Variants in FGGY observed in about 807,000 individuals in gnomAD.
The protein encoded by FGGY is FGGY carbohydrate kinase domain-containing protein.
In FGGY, 72 loss-of-function variants were observed where a neutral mutation model predicts 71.3. The ratio of observed to expected loss-of-function variants is 1.01; its 90% CI spans 0.84 to 1.23. FGGY has a LOEUF of 1.23. Ranked by LOEUF, FGGY falls within the 50% of genes most tolerant of loss-of-function variation. The pLI, the probability that FGGY is intolerant of heterozygous loss-of-function variation, is 0.00. For synonymous variants in FGGY, 251 were observed against 250.3 expected, an observed-to-expected ratio of 1.00 and a Z score of -0.02; for missense variants, 668 against 682.3, an observed-to-expected ratio of 0.98 and a Z score of 0.23.
At chr1:59,397,748 A>G (rs980695708) in intron 5 of FGGY, among the ~76,000 whole-genome samples, 1 of 152,178 alleles carries the variant, frequency 6.6e-6, no homozygotes, top group African/African-American at 2.4e-5. Context: ...TATTAGTTTA[A>G]AAAAGGTCTC....
chr1:59,528,697 C>G (rs1327409773), intron 7 of FGGY, among the ~76,000 whole-genome samples: 1 of 152,158 alleles, frequency 6.6e-6, no homozygotes, highest in Non-Finnish European at 1.5e-5. Context: ...ATGAAACCCT[C>G]AGATGGGAGT....
rs576514231 is a variant in FGGY at position 59,535,917 on chromosome 1, A to G, written c.800-18207A>G. The stretch of plus-strand genomic sequence containing the variant: ...AATTGACACCGTAACATCACAATTA[A>G]AAGAACTAGAAAAGCAAGAGCAAAC... On this transcript the variant is annotated intron_variant, in intron 7 of 15. Coordinates refer to ENST00000303721, the MANE Select transcript of FGGY (RefSeq NM_018291.5). Among the ~76,000 whole-genome samples, 7 of 147,956 alleles carry G rather than the reference A, an allele frequency of 4.7e-5. No individual in the cohort carries two copies. In the East Asian group the frequency reaches 7.8e-4, roughly 16 times the overall value.
chr1:59,635,019 G>T (rs550623318), intron 10 of FGGY, among the ~76,000 whole-genome samples: 2 of 152,162 alleles, frequency 1.3e-5, no homozygotes, highest in African/African-American at 4.8e-5. Flanking sequence ...GAGGGTGAGC[G>T]ATCCACTTGG....
chr1:59,464,846 C>G (rs1202940867), intron 6 of FGGY, among the ~76,000 whole-genome samples: 2 of 152,118 alleles, frequency 1.3e-5, no homozygotes, highest in Admixed American at 1.3e-4. Context: ...CTGAATACAC[C>G]AATAACAGGC....
chr1:59,400,737 A>G (rs961793780), intron 5 of FGGY, among the ~76,000 whole-genome samples: 2 of 151,944 alleles, frequency 1.3e-5, no homozygotes, highest in Non-Finnish European at 2.9e-5. Context: ...GACTCTTGAC[A>G]TAAGTAGAAC....
chr1:59,374,387 T>TA (rs1052424427), intron 4 of FGGY, among the ~76,000 whole-genome samples: 1 of 152,198 alleles, frequency 6.6e-6, no homozygotes, highest in South Asian at 2.1e-4. Context: ...TGGTGATCTT[T>TA]AAAAAGTCAG....
intron 5 of FGGY, among the ~76,000 whole-genome samples, chr1:59,416,344 G>T (rs2064413946): frequency 6.6e-6 from 1 of 152,090 alleles, no homozygotes; most frequent in African/African-American, 2.4e-5. Context: ...TTTCACAGTG[G>T]CAGGGAAAAG....
chr1:59,462,191 A>C (rs2092291417), intron 6 of FGGY, among the ~76,000 whole-genome samples: 2 of 152,216 alleles, frequency 1.3e-5, no homozygotes, highest in Admixed American at 1.3e-4. Context: ...AAACCTGAGA[A>C]AAACAAGAAA....
chr1:59,714,285 G>A (rs2097825256), intron 14 of FGGY, among the ~76,000 whole-genome samples: 1 of 152,184 alleles, frequency 6.6e-6, no homozygotes, highest in South Asian at 2.1e-4. Flanking sequence ...GTGACCAGTG[G>A]AAGGATTATG....
At chr1:59,484,821 A>G (rs2093610140) in intron 6 of FGGY, among the ~76,000 whole-genome samples, 1 of 152,170 alleles carries the variant, frequency 6.6e-6, no homozygotes, top group African/African-American at 2.4e-5. Flanking sequence ...ATATGTAGAC[A>G]CATTAATTTT....
chr1:59,578,480 C>A (rs1388713105), intron 8 of FGGY, among the ~76,000 whole-genome samples: 1 of 152,116 alleles, frequency 6.6e-6, no homozygotes, highest in African/African-American at 2.4e-5. Flanking sequence ...GAGAAGCCAG[C>A]AAGTCCCCTT....
chr1:59,679,480 A>T (rs1319759641), intron 14 of FGGY, among the ~76,000 whole-genome samples: 4 of 151,958 alleles, frequency 2.6e-5, no homozygotes, highest in Non-Finnish European at 5.9e-5. Context: ...CATTCAATTT[A>T]GTTTACTTGC....
chr1:59,600,300 A>G (rs2096564505), intron 8 of FGGY, among the ~76,000 whole-genome samples: 4 of 152,318 alleles, frequency 2.6e-5, no homozygotes, highest in South Asian at 4.1e-4. Flanking sequence ...TGAGACAGAG[A>G]TACTTCTGAC....
At chr1:59,627,483 T>TACACACACAC (rs2096869229) in intron 10 of FGGY, among the ~76,000 whole-genome samples, 2 of 128,032 alleles carry the variant, frequency 1.6e-5, no homozygotes, top group African/African-American at 7.0e-5. Context: ...TATATATATA[T>TACACACACAC]ATATATACAC....
chr1:59,369,240 A>G (rs546683954), intron 4 of FGGY, among the ~76,000 whole-genome samples: 7 of 152,160 alleles, frequency 4.6e-5, no homozygotes, highest in Admixed American at 4.6e-4. Context: ...GGCTTAAAAA[A>G]CGGCGCACCA....
At chr1:59,661,721 TGTTTTTG>T (rs2097275784) in intron 12 of FGGY, among the ~76,000 whole-genome samples, 1 of 151,484 alleles carries the variant, frequency 6.6e-6, no homozygotes, top group African/African-American at 2.4e-5. Context: ...TTTTTGTTTT[TGTTTTTG>T]TTTTTGTTTT....
At chr1:59,509,497 G>A (rs2094468613) in intron 6 of FGGY, among the ~76,000 whole-genome samples, 1 of 152,118 alleles carries the variant, frequency 6.6e-6, no homozygotes, top group Non-Finnish European at 1.5e-5. Context: ...TGGATTACAA[G>A]GCCCTGCATC....
intron 7 of FGGY, among the ~76,000 whole-genome samples, chr1:59,538,243 A>G (rs1207479496): frequency 6.6e-6 from 1 of 152,170 alleles, no homozygotes; most frequent in Non-Finnish European, 1.5e-5. Flanking sequence ...ACATGAAAAA[A>G]TGCTCACCAT....
intron 8 of FGGY, among the ~76,000 whole-genome samples, chr1:59,579,264 G>A (rs956447646): frequency 3.9e-5 from 6 of 152,160 alleles, no homozygotes; most frequent in East Asian, 3.9e-4. Context: ...TTTGGAAGGC[G>A]TTAAGCCTCT....
Sources: gnomAD v4.1 joint callset for allele counts (sites outside exome capture counted in the v4.1 genomes callset) on GRCh38, gnomAD v4.1.1 for gene constraint, MANE v1.5 for transcripts, NCBI Gene and HGNC (gene_info 2026-07-23, HGNC 2026-07-21) for gene names.